The following MAP4 variants were observed in gnomAD, a reference collection of about 807,000 sequenced individuals.
The protein encoded by MAP4 is microtubule associated protein 4, also known as microtubule-associated protein 4.
A neutral mutation model predicts 170.2 loss-of-function variants in MAP4; 76 were observed. The observed-to-expected ratio is 0.45, with a 90% CI of 0.37 to 0.54. The LOEUF (loss-of-function observed/expected upper bound fraction) is 0.54, where lower values mean the gene tolerates loss of function less well. Among genes scored for constraint, MAP4 ranks in the 20% least tolerant of loss-of-function variants. MAP4 has a pLI of 0.00. For synonymous variants in MAP4, 909 were observed against 994.5 expected (o/e 0.91, Z 1.62); for missense variants, 2,506 against 2,748.0 (o/e 0.91, Z 1.97).
intron 3 of MAP4, among the ~76,000 whole-genome samples, chr3:47,930,716 C>T (rs933966059): frequency 6.6e-6 from 1 of 151,788 alleles, no homozygotes; most frequent in African/African-American, 2.4e-5. Flanking sequence ...ATCACAAGGT[C>T]AGGAAATCGA....
intron 1 of MAP4, among the ~76,000 whole-genome samples, chr3:48,005,526 C>A (rs1226851612): frequency 6.6e-6 from 1 of 152,118 alleles, no homozygotes; most frequent in Non-Finnish European, 1.5e-5. Flanking sequence ...TTTAATGTTG[C>A]AGCTCGGGGA....
At position 47,911,732 on chromosome 3, in the gene MAP4, TCAG is replaced by T; in HGVS notation, c.2686_2688del (p.Leu896del). 2.0e-6 allele frequency: 3 copies of T among 1,536,170 alleles called. No homozygotes were observed. Among genetic ancestry groups the T allele is most frequent in the Non-Finnish European group, 2.6e-6 (3 of 1,146,904 alleles). On this transcript the variant is annotated inframe_deletion, in exon 9 of 21. Coordinates refer to ENST00000683076, the MANE Select transcript of MAP4 (RefSeq NM_001385682.1). The surrounding 1 kb of genome is among the most constrained non-coding windows in gnomAD (Gnocchi z 4.0). ...GGCTGTGGTTTGTATTCATGTTGCT[TCAG>T]CAATTTCTTGTCTTGGTTTTGTAGT...
chr3:48,080,900 A>G (rs1010695573), intron 1 of MAP4, among the ~76,000 whole-genome samples: 2 of 152,186 alleles, frequency 1.3e-5, no homozygotes, highest in Non-Finnish European at 2.9e-5. Flanking sequence ...CAAGGTGGGC[A>G]GATCACGAAG....
intron 1 of MAP4, among the ~76,000 whole-genome samples, chr3:48,075,643 G>A (rs1157850474): frequency 6.6e-6 from 1 of 151,892 alleles, no homozygotes; most frequent in Non-Finnish European, 1.5e-5. Context: ...ACTGGTTCAA[G>A]GACAACTAGA....
intron 3 of MAP4, among the ~76,000 whole-genome samples, chr3:47,939,244 T>A (rs950918003): frequency 5.9e-5 from 9 of 152,224 alleles, no homozygotes; most frequent in African/African-American, 2.2e-4. Context: ...GGAAAGAATT[T>A]AGTCCTTAAG....
rs774716574 is a variant in MAP4, at chr3:47,977,933, T to C, written c.224A>G (p.Asp75Gly). ...KPCSETSQIE[D>G]TPSSKPTLLA... Reference sequence around the variant, plus strand: ...GAGTGTTGGTTTAGAAGATGGAGTATCTGCAACAATGACAAATAATTACCC... The same window carrying C: ...GAGTGTTGGTTTAGAAGATGGAGTACCTGCAACAATGACAAATAATTACCC... Residue 75 changes from aspartate (D) to glycine (G), a missense_variant and splice_region_variant, in exon 3 of 21, where the codon GAT becomes GGT. Asp to Gly is a moderately conservative substitution (Grantham distance 94, BLOSUM62 -1). Around this residue, in one of 3 missense-constraint regions of MAP4, gnomAD observed 2,008 missense variants for 2,206.0 expected, o/e 0.91. Coordinates refer to ENST00000683076, the MANE Select transcript of MAP4 (RefSeq NM_001385682.1). 6.2e-7 allele frequency: 1 copy of C among 1,606,198 alleles called. No homozygotes were observed. The highest frequency in any genetic ancestry group is 8.5e-7 in the Non-Finnish European group (1 of 1,173,076).
At chr3:48,033,953 ATT>A (rs1259981937) in intron 1 of MAP4, among the ~76,000 whole-genome samples, 1 of 152,178 alleles carries the variant, frequency 6.6e-6, no homozygotes, top group Non-Finnish European at 1.5e-5. Flanking sequence ...GAGCTACTCA[ATT>A]TTCAGTTAAT....
chr3:47,992,201 A>G (rs2100092755), intron 2 of MAP4, among the ~76,000 whole-genome samples: 1 of 152,186 alleles, frequency 6.6e-6, no homozygotes. Flanking sequence ...TCAGTCCGAT[A>G]ATGTATAAAA....
chr3:47,992,817 T>C (rs1312545951), intron 2 of MAP4, among the ~76,000 whole-genome samples: 2 of 150,640 alleles, frequency 1.3e-5, no homozygotes, highest in African/African-American at 2.4e-5. Context: ...GGCAGGAGAA[T>C]CTCTTGAACA....
At chr3:47,971,882 A>C (rs1323002174) in intron 3 of MAP4, among the ~76,000 whole-genome samples, 1 of 152,228 alleles carries the variant, frequency 6.6e-6, no homozygotes, top group Non-Finnish European at 1.5e-5. Context: ...AAATGAAGCC[A>C]GGTTTCACTT....
At chr3:47,886,825 C>A (rs1286216949) in intron 10 of MAP4, among the ~76,000 whole-genome samples, 2 of 152,234 alleles carry the variant, frequency 1.3e-5, no homozygotes, top group Non-Finnish European at 2.9e-5. Context: ...TTTATCTTCA[C>A]CTGTTATATT....
At chr3:48,081,953 T>C (rs1356200185) in intron 1 of MAP4, among the ~76,000 whole-genome samples, 2 of 151,996 alleles carry the variant, frequency 1.3e-5, no homozygotes, top group Non-Finnish European at 2.9e-5. Context: ...AGTACAAAAG[T>C]GCTAAAAGAC....
intron 3 of MAP4, among the ~76,000 whole-genome samples, chr3:47,966,265 T>TTG (rs2100074948): frequency 8.5e-6 from 1 of 117,084 alleles, no homozygotes; most frequent in African/African-American, 3.4e-5. Flanking sequence ...TTTTTTTTTT[T>TTG]GAGACAGAGT....
intron 17 of MAP4, among the ~76,000 whole-genome samples, chr3:47,863,401 T>A (rs2071809305): frequency 6.6e-6 from 1 of 152,134 alleles, no homozygotes; most frequent in Non-Finnish European, 1.5e-5. Context: ...TCCAAACGAT[T>A]CCCCCACACC....
At chr3:48,041,509 A>G (rs2100121636) in intron 1 of MAP4, among the ~76,000 whole-genome samples, 3 of 152,196 alleles carry the variant, frequency 2.0e-5, no homozygotes, top group Non-Finnish European at 2.9e-5. Flanking sequence ...AAGTTCATGG[A>G]TCAGAAGATT....
chr3:48,071,366 A>AC (rs2100140942), intron 1 of MAP4, among the ~76,000 whole-genome samples: 1 of 151,752 alleles, frequency 6.6e-6, no homozygotes, highest in Non-Finnish European at 1.5e-5. Flanking sequence ...ACATAGTGAA[A>AC]CCCTGTCTCT....
intron 2 of MAP4, among the ~76,000 whole-genome samples, chr3:47,985,453 CTTTT>C (rs879580272): frequency 1.3e-5 from 2 of 151,802 alleles, no homozygotes; most frequent in Admixed American, 6.6e-5. Context: ...TAAATAAATG[CTTTT>C]TTTTAATTGG....
At chr3:47,926,977 C>T (rs556495816) in intron 4 of MAP4, among the ~76,000 whole-genome samples, 6 of 152,092 alleles carry the variant, frequency 3.9e-5, no homozygotes, top group Middle Eastern at 3.4e-3. Flanking sequence ...TCAGCCTGGC[C>T]AACATGGTGA....
intron 19 of MAP4, among the ~76,000 whole-genome samples, chr3:47,854,337 G>C (rs749184329): frequency 9.2e-5 from 14 of 152,288 alleles, no homozygotes; most frequent in African/African-American, 1.2e-4. Context: ...TGGCAGCAAG[G>C]ACCCCCCCAG....
Sources: allele counts gnomAD v4.1 joint callset (sites outside exome capture counted in the v4.1 genomes callset), GRCh38; gene constraint gnomAD v4.1.1; regional missense constraint gnomAD v4.1.1; non-coding constraint Gnocchi (gnomAD v3.1); transcripts MANE v1.5; gene names NCBI Gene and HGNC (gene_info 2026-07-23, HGNC 2026-07-21).